Variants in ZBTB5 observed in about 807,000 individuals in gnomAD.
ZBTB5 encodes the protein zinc finger and BTB domain-containing protein 5.
Under a neutral mutation model 37.9 loss-of-function variants are expected in ZBTB5, and 15 were observed. That is an observed-to-expected ratio of 0.40 (90% CI 0.26 to 0.61). ZBTB5 has a LOEUF of 0.61. Among genes scored for constraint, ZBTB5 ranks in the 20% least tolerant of loss-of-function variants. The pLI, the probability that ZBTB5 is intolerant of heterozygous loss-of-function variation, is 0.47. For synonymous variants in ZBTB5, 315 were observed against 312.4 expected (o/e 1.01, Z -0.09); for missense variants, 708 against 856.8 (o/e 0.83, Z 2.17).
intron 1 of ZBTB5, among the ~76,000 whole-genome samples, chr9:37,453,961 A>G (rs1824145197): frequency 6.6e-6 from 1 of 152,230 alleles, no homozygotes; most frequent in South Asian, 2.1e-4. Flanking sequence ...GAAGGTATCA[A>G]GACTCTGGAA....
chr9:37,462,790 C>T (rs1824318751), intron 1 of ZBTB5, among the ~76,000 whole-genome samples: 1 of 152,138 alleles, frequency 6.6e-6, no homozygotes, highest in South Asian at 2.1e-4. Flanking sequence ...TCTTGAACTC[C>T]TGAGCTCAGG....
chr9:37,442,043 G>A lies in ZBTB5; in HGVS notation c.509C>T (p.Pro170Leu). The A allele has an allele frequency of 6.2e-7, 1 of 1,613,882 alleles. No individual in the cohort carries two copies. The highest frequency in any genetic ancestry group is 1.1e-5 in the South Asian group (1 of 91,090). Residue 170 changes from proline (P) to leucine (L), a missense_variant, in exon 2 of 2, where the codon CCC (proline) becomes CTC (leucine). Around this residue, in one of 3 missense-constraint regions of ZBTB5, gnomAD observed 639 missense variants for 690.5 expected, o/e 0.93. Transcript: ENST00000307750. ...SSQNGEEQPA[P>L]MSSSMRSNLD... is the part of the protein sequence containing the mutation. ...GTTACTGCGCATGGAAGAGCTCATG[G>A]GGGCTGGCTGCTCCTCGCCATTCTG...
At position 37,439,140 on chromosome 9, in the gene ZBTB5, A is replaced by C. The variant is rs1225441441; in HGVS notation, c.*1378T>G. The stretch of plus-strand genomic sequence containing the variant: ...TAAACTGACTTCATGAGTTCTAGGG[A>C]GACGCATTAACCTGTGCTGTTCCCC... On this transcript the variant is annotated 3_prime_UTR_variant, in exon 2 of 2. Coordinates refer to ENST00000307750, the MANE Select transcript of ZBTB5 (RefSeq NM_014872.3). The C allele has an allele frequency of 6.6e-6, 1 of 152,234 alleles. No individual in the cohort carries two copies. Among genetic ancestry groups the C allele is most frequent in the African/African-American group, 2.4e-5 (1 of 41,450 alleles). The allele number at this position is 152,234 out of a possible 1,614,324, so 9.4% of individuals were successfully genotyped here. A position where few individuals can be genotyped will look rare whatever the true frequency, so the allele number is the denominator to read the frequency against.
intron 1 of ZBTB5, among the ~76,000 whole-genome samples, chr9:37,455,704 G>A (rs751604108): frequency 1.1e-4 from 16 of 152,164 alleles, no homozygotes; most frequent in Non-Finnish European, 1.9e-4. Context: ...TCCTGCGAGG[G>A]GGGTTCAGAG....
chr9:37,462,162 CTAAGA>C (rs1328495631), intron 1 of ZBTB5, among the ~76,000 whole-genome samples: 1 of 152,092 alleles, frequency 6.6e-6, no homozygotes, highest in African/African-American at 2.4e-5. Flanking sequence ...TTCATTAAAT[CTAAGA>C]TGTCTGTGAT....
intron 1 of ZBTB5, among the ~76,000 whole-genome samples, chr9:37,464,919 T>C (rs1373302636): frequency 5.9e-5 from 9 of 152,222 alleles, no homozygotes; most frequent in East Asian, 5.8e-4. Context: ...TCCTGAGGCC[T>C]TTCCCACCCC....
chr9:37,441,039 C>A lies in ZBTB5; in HGVS notation c.1513G>T (p.Asp505Tyr). Residue 505 changes from aspartate to tyrosine, a missense_variant, in exon 2 of 2, where the codon GAC becomes TAC. Asp to Tyr is a radical substitution (Grantham distance 160). This residue lies in a region of ZBTB5 where 639 missense variants were observed against 690.5 expected (regional missense o/e 0.93). Coordinates refer to ENST00000307750, the MANE Select transcript of ZBTB5 (RefSeq NM_014872.3). The stretch of plus-strand genomic sequence containing the variant: ...AGGCCCAAACCAGACCTGGAAAAGT[C>A]CATCCCAAACTGTTCTCCTCCTTGG... ...GYQGGEQFGM[D>Y]FSRSGLGLHS... 1 of 1,614,152 alleles carries A rather than the reference C, an allele frequency of 6.2e-7. No individual in the cohort carries two copies. The highest frequency in any genetic ancestry group is 8.5e-7 in the Non-Finnish European group (1 of 1,180,022).
intron 1 of ZBTB5, among the ~76,000 whole-genome samples, chr9:37,452,188 T>G (rs1380158256): frequency 6.6e-6 from 1 of 152,230 alleles, no homozygotes; most frequent in Non-Finnish European, 1.5e-5. Flanking sequence ...TGGGGTCGGT[T>G]AGGTCTGATA....
rs1389446720 is a variant in ZBTB5, at chr9:37,439,920, A to G, written c.*598T>C. The G allele has an allele frequency of 6.5e-6, 1 of 154,680 alleles. No homozygotes were observed. The highest frequency in any genetic ancestry group is 1.4e-5 in the Non-Finnish European group (1 of 69,444). The allele number at this position is 154,680 out of a possible 1,614,324, so 9.6% of individuals were successfully genotyped here. A position where few individuals can be genotyped will look rare whatever the true frequency, so the allele number is the denominator to read the frequency against. On this transcript the variant is annotated 3_prime_UTR_variant, in exon 2 of 2. Coordinates refer to ENST00000307750, the MANE Select transcript of ZBTB5 (RefSeq NM_014872.3). Reference sequence around the variant, plus strand: ...TATATACATCTAATAGTCCAAGAGAATGCTCACTCTGGACCCAGTGTCAGC... The same window carrying G: ...TATATACATCTAATAGTCCAAGAGAGTGCTCACTCTGGACCCAGTGTCAGC...
chr9:37,459,956 C>T lies in ZBTB5; in HGVS notation c.-5+5259G>A, dbSNP rs576481108. On this transcript the variant is annotated intron_variant, in intron 1 of 1. Coordinates refer to ENST00000307750, the MANE Select transcript of ZBTB5 (RefSeq NM_014872.3). ...CGATCTCCTGACCTCATGATCTGTC[C>T]GTCTCGGCCTCCCAAAGTGCTGGGA... 2.9e-4 allele frequency among the ~76,000 whole-genome samples: 44 copies of T among 150,006 alleles called. No individual in the cohort carries two copies. In the South Asian group the frequency reaches 9.4e-3, roughly 32 times the overall value.
chr9:37,461,732 CA>C (rs112634134), intron 1 of ZBTB5, among the ~76,000 whole-genome samples: 5 of 144,712 alleles, frequency 3.5e-5, no homozygotes, highest in Admixed American at 1.4e-4. Context: ...GACCCTGTCT[CA>C]AAAAAAAAAG....
chr9:37,454,196 T>C (rs866563680), intron 1 of ZBTB5, among the ~76,000 whole-genome samples: 7 of 152,222 alleles, frequency 4.6e-5, no homozygotes, highest in African/African-American at 7.2e-5. Flanking sequence ...TTGGGGGATA[T>C]AAAATTTGCT....
intron 1 of ZBTB5, among the ~76,000 whole-genome samples, chr9:37,456,963 C>T (rs2118954631): frequency 6.6e-6 from 1 of 152,306 alleles, no homozygotes; most frequent in African/African-American, 2.4e-5. Flanking sequence ...ATAGGAAAGT[C>T]CCTTAAGCCC....
At chr9:37,450,301 C>T (rs986262213) in intron 1 of ZBTB5, among the ~76,000 whole-genome samples, 2 of 151,910 alleles carry the variant, frequency 1.3e-5, no homozygotes, top group Admixed American at 1.3e-4. Context: ...CCCCAGACAA[C>T]GAAGCTGCTT....
At chr9:37,444,097 AAATAAGTGAATG>A (rs1297404786) in intron 1 of ZBTB5, among the ~76,000 whole-genome samples, 1 of 152,236 alleles carries the variant, frequency 6.6e-6, no homozygotes, top group African/African-American at 2.4e-5. Flanking sequence ...AATAAAATAA[AAATAAGTGAATG>A]AATAAGAGAA....
chr9:37,441,283 T>G lies in ZBTB5; in HGVS notation c.1269A>C (p.Ala423=). ...GAATATTATCATCATTGTTCTGATT[T>G]GCAGTAAAGTTATTTCCTCTGCTCT... The part of the protein sequence containing the change: ...LNKSRGNNFT[A]NQNNDDNIPN... Residue 423 remains alanine, a synonymous_variant, in exon 2 of 2, where the codon GCA becomes GCC. Coordinates refer to ENST00000307750, the MANE Select transcript of ZBTB5 (RefSeq NM_014872.3). 1 of 1,614,218 alleles carries G rather than the reference T, an allele frequency of 6.2e-7. No individual in the cohort carries two copies. The highest frequency in any genetic ancestry group is 2.2e-5 in the East Asian group (1 of 44,878).
At chr9:37,458,520 G>T (rs1280841988) in intron 1 of ZBTB5, among the ~76,000 whole-genome samples, 1 of 152,148 alleles carries the variant, frequency 6.6e-6, no homozygotes, top group African/African-American at 2.4e-5. Context: ...ATGAAAAAAT[G>T]AATGAAACAA....
At position 37,457,894 on chromosome 9, in the gene ZBTB5, C is replaced by A. The variant is rs191297164; in HGVS notation, c.-5+7321G>T. 1.6e-3 allele frequency among the ~76,000 whole-genome samples: 241 copies of A among 152,302 alleles called. 1 individual carries two copies. Among genetic ancestry groups the A allele is most frequent in the Admixed American group, 3.6e-3 (55 of 15,300 alleles). On this transcript the variant is annotated intron_variant, in intron 1 of 1. Transcript: ENST00000307750. ...AGGTAGGTATTGGATAGTGACTGCT[C>A]ATAACTGATGTTAATAATTACAAGT...
Position 37,441,421 on chromosome 9 carries a change from C to T in ZBTB5, c.1131G>A (p.Arg377=). ...KIDLSPESSD[R]SFSDPQSSTD... ...TGCTAGACTGGGGATCTGAAAAACT[C>T]CGATCACTGCTTTCAGGGCTGAGGT... Residue 377 remains arginine (R), a synonymous_variant, in exon 2 of 2, where the codon CGG becomes CGA. Transcript: ENST00000307750. 6.2e-7 allele frequency: 1 copy of T among 1,613,836 alleles called. No individual in the cohort carries two copies. Among genetic ancestry groups the T allele is most frequent in the Non-Finnish European group, 8.5e-7 (1 of 1,179,996 alleles).
Sources: allele counts gnomAD v4.1 joint callset (sites outside exome capture counted in the v4.1 genomes callset), GRCh38; gene constraint gnomAD v4.1.1; regional missense constraint gnomAD v4.1.1; transcripts MANE v1.5; gene names NCBI Gene and HGNC (gene_info 2026-07-23, HGNC 2026-07-21).